Variants in TIMM44 observed in about 807,000 individuals in gnomAD.
TIMM44 encodes the protein mitochondrial import inner membrane translocase subunit TIM44.
A neutral mutation model predicts 63.8 loss-of-function variants in TIMM44; 37 were observed. The observed-to-expected ratio is 0.58, with a 90% CI of 0.45 to 0.76. The LOEUF (loss-of-function observed/expected upper bound fraction) is 0.76. TIMM44 is among the 30% of genes least tolerant of loss of function. TIMM44 has a pLI of 0.00. For synonymous variants in TIMM44, 239 were observed against 245.1 expected (o/e 0.98, Z 0.23); for missense variants, 573 against 603.8 (o/e 0.95, Z 0.54).
rs1408056350 is a variant in TIMM44, at chr19:7,934,286, CCGGGGGG to C, written c.394-55_394-49del. The C allele has an allele frequency of 1.2e-6, 2 of 1,603,932 alleles. No individual in the cohort carries two copies. The highest frequency in any genetic ancestry group is 1.7e-5 in the Admixed American group (1 of 60,018). On this transcript the variant is annotated intron_variant, in intron 4 of 12. Coordinates refer to ENST00000270538, the MANE Select transcript of TIMM44 (RefSeq NM_006351.4). The surrounding 1 kb of genome is among the most constrained non-coding windows in gnomAD (Gnocchi z 5.3). ...GGGGCGTTGGCACCGGCCCTGGCGG[CCGGGGGG>C]CGGGGCAGGAGGAATGAATTCCTGC...
Position 7,934,230 on chromosome 19 carries a change from G to A in TIMM44, c.402C>T (p.His134=), listed in dbSNP as rs781382929. 11 of 1,612,226 alleles carry A rather than the reference G, an allele frequency of 6.8e-6. No homozygotes were observed. Among genetic ancestry groups the A allele is most frequent in the South Asian group, 5.5e-5 (5 of 91,090 alleles). Residue 134 remains histidine (H), a synonymous_variant, in exon 5 of 13, where the codon CAC becomes CAT. Transcript: ENST00000270538. The surrounding 1 kb of genome is among the most constrained non-coding windows in gnomAD (Gnocchi z 5.3). ...ELTGTVKESL[H]EVSKSDLGRK... The stretch of plus-strand genomic sequence containing the variant: ...GGCCGAGATCACTTTTACTGACTTC[G>A]TGAAGGCTCTACTGAGACAGACACA...
At position 7,934,445 on chromosome 19, in the gene TIMM44, G is replaced by A. The variant is rs1568296697; in HGVS notation, c.394-207C>T. ...AGCCACGAGCACACCGCCACCCCCA[G>A]AGCCACGAGCACACCGGCACCCCCA... is the stretch of plus-strand genomic sequence containing the variant. On this transcript the variant is annotated intron_variant, in intron 4 of 12. Transcript: ENST00000270538. This position sits in a 1 kb window ranked among gnomAD's most constrained non-coding sequence, Gnocchi z 5.3. Among the ~76,000 whole-genome samples the A allele has an allele frequency of 6.7e-6, 1 of 150,252 alleles. No individual in the cohort carries two copies. The highest frequency in any genetic ancestry group is 1.5e-5 in the Non-Finnish European group (1 of 67,368).
chr19:7,941,389 G>A (rs1984306991), intron 1 of TIMM44, among the ~76,000 whole-genome samples, 192 bp from the exon 2 acceptor site: 1 of 151,532 alleles, frequency 6.6e-6, no homozygotes, highest in Non-Finnish European at 1.5e-5. Flanking sequence ...CTGGGTTCAA[G>A]CGATTCTCCT....
In TIMM44 at chr19:7,933,356, G is replaced by T; in HGVS notation, c.769+129C>A. The T allele has an allele frequency of 1.2e-6, 1 of 856,758 alleles. No individual in the cohort carries two copies. Among genetic ancestry groups the T allele is most frequent in the East Asian group, 2.4e-5 (1 of 41,508 alleles). 53.1% of individuals were successfully genotyped at this position (856,758 alleles called of 1,614,324 possible). ...ATCATGTGACCGCAAAGAAGTGACC[G>T]GCCCACTCTGACCCCGATCTCCTCC... is the stretch of plus-strand genomic sequence containing the variant. On this transcript the variant is annotated intron_variant, in intron 7 of 12. Coordinates refer to ENST00000270538, the MANE Select transcript of TIMM44 (RefSeq NM_006351.4). The surrounding 1 kb of genome is among the most constrained non-coding windows in gnomAD (Gnocchi z 4.3).
chr19:7,927,636 C>T, intron 12 of TIMM44, 21 bp downstream of exon 12: 3 of 1,607,406 alleles, frequency 1.9e-6, no homozygotes, highest in South Asian at 2.2e-5. Flanking sequence ...TGTGCCTGCC[C>T]CATCCCACTC....
chr19:7,938,535 G>A lies in TIMM44; in HGVS notation c.142-338C>T, dbSNP rs146403920. ...CCTATTTAAAAAACAGGCTGGGCGC[G>A]GTGGTTCACGCCTGTAATCCCAGTA... On this transcript the variant is annotated intron_variant, in intron 2 of 12. Coordinates refer to ENST00000270538, the MANE Select transcript of TIMM44 (RefSeq NM_006351.4). Among the ~76,000 whole-genome samples, 85 of 152,268 alleles carry A rather than the reference G, an allele frequency of 5.6e-4. 1 individual carries two copies. The East Asian group carries it at 0.016, about 28-fold the overall frequency.
intron 10 of TIMM44, among the ~76,000 whole-genome samples, chr19:7,930,031 T>C (rs539749823): frequency 6.6e-6 from 1 of 151,974 alleles, no homozygotes; most frequent in South Asian, 2.1e-4. Context: ...GTATTTTTAG[T>C]AGAGACAGGG....
chr19:7,937,729 G>A (rs1478817067), intron 3 of TIMM44: 6 of 368,032 alleles, frequency 1.6e-5, no homozygotes, highest in Non-Finnish European at 3.1e-5. Flanking sequence ...AAGGTAAGAA[G>A]CAAAGGGGCC....
At position 7,927,554 on chromosome 19, in the gene TIMM44, C is replaced by T. The variant is rs1177402213; in HGVS notation, c.1239+103G>A. 1.2e-5 allele frequency: 16 copies of T among 1,287,414 alleles called. No individual in the cohort carries two copies. In the East Asian group the frequency reaches 3.7e-4, roughly 30 times the overall value. The allele number at this position is 1,287,414 out of a possible 1,614,324, so 79.7% of individuals were successfully genotyped here. Reference sequence around the variant, plus strand: ...GTTTCTCCACATCCCCACCCAGTCCCAGAGCTTCAGGGCTCTGAGCTGGGG... The same window carrying T: ...GTTTCTCCACATCCCCACCCAGTCCTAGAGCTTCAGGGCTCTGAGCTGGGG... On this transcript the variant is annotated intron_variant, in intron 12 of 12. Transcript: ENST00000270538.
chr19:7,935,548 G>A (rs1370370177), intron 3 of TIMM44, among the ~76,000 whole-genome samples: 3 of 152,168 alleles, frequency 2.0e-5, no homozygotes, highest in East Asian at 1.9e-4. Context: ...CATCTTCTCC[G>A]CAGCCCCTCC....
At position 7,943,346 on chromosome 19, in the gene TIMM44, G is replaced by T. The variant is rs576969815; in HGVS notation, c.45+261C>A. On this transcript the variant is annotated intron_variant, in intron 1 of 12. Transcript: ENST00000270538. The surrounding 1 kb of genome is among the most constrained non-coding windows in gnomAD (Gnocchi z 4.3). ...CCATTCTCTCTCCTGTATACGTGGA[G>T]TCTGATCAGAGGGCGAAGGGTGATC... Among the ~76,000 whole-genome samples the T allele has an allele frequency of 2.2e-4, 33 of 151,878 alleles. No individual in the cohort carries two copies. In the South Asian group the frequency reaches 6.5e-3, roughly 30 times the overall value.
intron 2 of TIMM44, among the ~76,000 whole-genome samples, chr19:7,939,781 C>T (rs34596874): frequency 0.095 from 14,434 of 151,692 alleles, 796 homozygotes; most frequent in African/African-American, 0.16. Context: ...CCAGGTGTGG[C>T]GGCGCCTGCC....
At chr19:7,927,996 G>A (rs1269770373) in intron 11 of TIMM44, 81 bp downstream of exon 11, 4 of 1,400,486 alleles carry the variant, frequency 2.9e-6, no homozygotes, top group Non-Finnish European at 2.0e-6. Flanking sequence ...CCAGCCCCTG[G>A]CAAGGCCACC....
Position 7,934,006 on chromosome 19 carries a change from G to T in TIMM44, c.544-3C>A. On this transcript the variant is annotated splice_polypyrimidine_tract_variant and splice_region_variant and intron_variant, in intron 5 of 12. Transcript: ENST00000270538. The surrounding 1 kb of genome is among the most constrained non-coding windows in gnomAD (Gnocchi z 5.3). ...TCCTTCTTCACGGACTCCACCCCCT[G>T]CGAGGGAGGCACAGCGGGGCTGGGG... The T allele has an allele frequency of 1.9e-6, 3 of 1,613,912 alleles. No homozygotes were observed. Among genetic ancestry groups the T allele is most frequent in the Non-Finnish European group, 1.7e-6 (2 of 1,179,992 alleles).
chr19:7,931,110 A>AG, intron 10 of TIMM44, 28 bp downstream of exon 10: 1 of 1,609,664 alleles, frequency 6.2e-7, no homozygotes. Context: ...CTTAAAAAAA[A>AG]AAAAAGAAAA....
rs767606481 is a variant in TIMM44, at chr19:7,928,012, G to A, written c.1128+65C>T. ...CAGCCCCTGGCAAGGCCACCTCCTG[G>A]GCCTTGTCTGGGCCATAGTTCCCAC... On this transcript the variant is annotated intron_variant, in intron 11 of 12. Coordinates refer to ENST00000270538, the MANE Select transcript of TIMM44 (RefSeq NM_006351.4). The A allele has an allele frequency of 4.6e-5, 68 of 1,493,410 alleles. No homozygotes were observed. The Middle Eastern group carries it at 1.0e-3, about 22-fold the overall frequency. 92.5% of individuals were successfully genotyped at this position (1,493,410 alleles called of 1,614,324 possible). A position where few individuals can be genotyped will look rare whatever the true frequency, so the allele number is the denominator to read the frequency against.
chr19:7,927,757 C>T lies in TIMM44; in HGVS notation c.1139G>A (p.Gly380Asp). 1 of 1,611,558 alleles carries T rather than the reference C, an allele frequency of 6.2e-7. No individual in the cohort carries two copies. Among genetic ancestry groups the T allele is most frequent in the Non-Finnish European group, 8.5e-7 (1 of 1,179,996 alleles). Residue 380 changes from glycine (G) to aspartate (D), a missense_variant, in exon 12 of 13, where the codon GGC (glycine) becomes GAC (aspartate). Gly to Asp is a moderately conservative substitution (Grantham distance 94). Transcript: ENST00000270538. ...LDIDNVDLAM[G>D]KMMEQGPVLI... The stretch of plus-strand genomic sequence containing the variant: ...CACCGGCCCCTGCTCCATCATCTTG[C>T]CCATGGCCAGCTGCAGAGGGGCCGA...
In TIMM44 at chr19:7,941,188, C is replaced by G; in HGVS notation, c.55G>C (p.Gly19Arg). The change falls in exon 2 of 13, where the codon GGC becomes CGC. Residue 19 changes from glycine to arginine, a missense_variant. Transcript: ENST00000270538. ...CTGGAAAGAAATTGGATTCCACTGC[C>G]GAGGCATCTCTAATTGGGGGGAGAG... ...GWCRCPRRCL[G>R]SGIQFLSSHN... is the part of the protein sequence containing the mutation. The G allele has an allele frequency of 6.2e-7, 1 of 1,613,572 alleles. No homozygotes were observed. Among genetic ancestry groups the G allele is most frequent in the South Asian group, 1.1e-5 (1 of 91,046 alleles).
Position 7,933,084 on chromosome 19 carries a change from C to T in TIMM44, c.770-152G>A, listed in dbSNP as rs377428687. The T allele has an allele frequency of 9.8e-6, 7 of 717,366 alleles. No individual in the cohort carries two copies. Among genetic ancestry groups the T allele is most frequent in the African/African-American group, 8.7e-5 (5 of 57,236 alleles). The allele number at this position is 717,366 out of a possible 1,614,324, so 44.4% of individuals were successfully genotyped here. The stretch of plus-strand genomic sequence containing the variant: ...GACGGCTGTGGACCTGCATCCTCAT[C>T]TGTGCTTGGGGACCGCTGCCTGCCC... On this transcript the variant is annotated intron_variant, in intron 7 of 12. Coordinates refer to ENST00000270538, the MANE Select transcript of TIMM44 (RefSeq NM_006351.4). This position sits in a 1 kb window ranked among gnomAD's most constrained non-coding sequence, Gnocchi z 4.3.
Sources: allele counts gnomAD v4.1 joint callset (sites outside exome capture counted in the v4.1 genomes callset), GRCh38; gene constraint gnomAD v4.1.1; non-coding constraint Gnocchi (gnomAD v3.1); transcripts MANE v1.5; gene names NCBI Gene and HGNC (gene_info 2026-07-23, HGNC 2026-07-21).